SUV39H2: variants seen among roughly 807,000 people sequenced by gnomAD.
SUV39H2 encodes SUV39H2 histone lysine methyltransferase, also known as histone-lysine N-methyltransferase SUV39H2.
SUV39H2 carries 10 observed loss-of-function variants against 47.5 expected under a neutral mutation model. The ratio of observed to expected loss-of-function variants is 0.21; its 90% confidence interval spans 0.13 to 0.36. The LOEUF is 0.36. Among genes scored for constraint, SUV39H2 ranks in the 10% least tolerant of loss-of-function variants. The pLI is 1.00. For synonymous variants in SUV39H2, 159 were observed against 166.8 expected, an observed-to-expected ratio of 0.95 and a Z score of 0.36; for missense variants, 266 against 487.4, an observed-to-expected ratio of 0.55 and a Z score of 4.28.
intron 2 of SUV39H2, among the ~76,000 whole-genome samples, chr10:14,892,888 C>CTG: frequency 6.6e-6 from 1 of 150,690 alleles, no homozygotes; most frequent in African/African-American, 2.4e-5. Flanking sequence ...GGCTTGATCT[C>CTG]AGCTCACTGC....
intron 1 of SUV39H2, among the ~76,000 whole-genome samples, chr10:14,881,272 A>G (rs1214559684): frequency 6.6e-6 from 1 of 152,238 alleles, no homozygotes; most frequent in Non-Finnish European, 1.5e-5. Context: ...GATGTCAGTT[A>G]AACGTAGTGG....
chr10:14,878,884 A>T lies in SUV39H2; in HGVS notation c.-5A>T. On this transcript the variant is annotated 5_prime_UTR_variant, in exon 1 of 6. Transcript: ENST00000354919. ...CCGCGCCAGTTTGAATGAAAGCTCT[A>T]CAAGATGGCGGCGGTCGGGGCCGAG... 1.3e-6 allele frequency: 2 copies of T among 1,488,938 alleles called. No homozygotes were observed. The highest frequency in any genetic ancestry group is 1.8e-6 in the Non-Finnish European group (2 of 1,118,788). 92.2% of individuals were successfully genotyped at this position (1,488,938 alleles called of 1,614,324 possible).
intron 3 of SUV39H2, chr10:14,898,278 T>A (rs2131707739): frequency 6.8e-6 from 1 of 146,540 alleles, no homozygotes; most frequent in Non-Finnish European, 1.5e-5. Context: ...TTGAGTACCT[T>A]GCCCAAGGTC....
intron 2 of SUV39H2, among the ~76,000 whole-genome samples, chr10:14,893,629 T>A (rs1447148759): frequency 2.0e-5 from 3 of 152,226 alleles, no homozygotes; most frequent in Non-Finnish European, 2.9e-5. Context: ...CTTTTCTGGA[T>A]TTTAAAAATA....
intron 2 of SUV39H2, 151 bp from the exon 3 acceptor site, chr10:14,896,695 C>A: frequency 1.8e-6 from 1 of 559,634 alleles, no homozygotes; most frequent in Non-Finnish European, 3.0e-6. Context: ...ATGATTTATA[C>A]TTCATGTGTT....
chr10:14,884,839 C>T (rs1458187279), intron 2 of SUV39H2, among the ~76,000 whole-genome samples: 1 of 152,150 alleles, frequency 6.6e-6, no homozygotes, highest in African/African-American at 2.4e-5. Flanking sequence ...GCCTTTCTGT[C>T]TTTCAGTTTC....
intron 2 of SUV39H2, among the ~76,000 whole-genome samples, chr10:14,887,087 C>T (rs868738404): frequency 2.6e-5 from 4 of 152,106 alleles, no homozygotes; most frequent in South Asian, 2.1e-4. Context: ...AGAATTTTCT[C>T]TCTGCAAAAA....
In SUV39H2 at chr10:14,901,016, A is replaced by G; in HGVS notation, c.997-117A>G. The G allele has an allele frequency of 5.1e-6, 7 of 1,376,424 alleles. No homozygotes were observed. The South Asian group carries it at 1.0e-4, about 20-fold the overall frequency. 85.3% of individuals were successfully genotyped at this position (1,376,424 alleles called of 1,614,324 possible). On this transcript the variant is annotated intron_variant, in intron 4 of 5. Transcript: ENST00000354919. ...CTCAAAGACCTCTAAGCAATAAGCAACTTAATTTCCAGTGGAACTTAAACT... is the reference window on the plus strand; with the variant it reads ...CTCAAAGACCTCTAAGCAATAAGCAGCTTAATTTCCAGTGGAACTTAAACT...
chr10:14,881,675 G>C (rs750267643), intron 2 of SUV39H2, 30 bp downstream of exon 2: 1 of 1,406,354 alleles, frequency 7.1e-7, no homozygotes, highest in Admixed American at 2.8e-5. Flanking sequence ...CCTTACAAGA[G>C]ACCTAATCAG....
intron 3 of SUV39H2, chr10:14,899,313 C>G (rs750852396): frequency 8.8e-6 from 6 of 683,328 alleles, no homozygotes; most frequent in Middle Eastern, 5.1e-4. Flanking sequence ...GAGTGAGACC[C>G]TGTTTAAAAA....
chr10:14,892,225 A>AATT (rs1174004827), intron 2 of SUV39H2, among the ~76,000 whole-genome samples: 1 of 152,226 alleles, frequency 6.6e-6, no homozygotes, highest in African/African-American at 2.4e-5. Flanking sequence ...GGCAATTAAT[A>AATT]GATTTGTAAA....
At position 14,903,849 on chromosome 10, in the gene SUV39H2, T is replaced by C. The variant is rs1478886014; in HGVS notation, c.*1337T>C. 1 of 152,212 alleles carries C rather than the reference T, an allele frequency of 6.6e-6. No homozygotes were observed. Among genetic ancestry groups the C allele is most frequent in the Non-Finnish European group, 1.5e-5 (1 of 68,030 alleles). 9.4% of individuals were successfully genotyped at this position (152,212 alleles called of 1,614,324 possible). A position where few individuals can be genotyped will look rare whatever the true frequency, so the allele number is the denominator to read the frequency against. On this transcript the variant is annotated 3_prime_UTR_variant, in exon 6 of 6. Coordinates refer to ENST00000354919, the MANE Select transcript of SUV39H2 (RefSeq NM_001193424.2). ...TTACCTAAAATAAGCTTGGATAAAATTGAACCAACTTCAAGAATGCAGCAC... is the reference window on the plus strand; with the variant it reads ...TTACCTAAAATAAGCTTGGATAAAACTGAACCAACTTCAAGAATGCAGCAC...
chr10:14,881,086 A>G (rs1213682372), intron 1 of SUV39H2, among the ~76,000 whole-genome samples: 1 of 152,186 alleles, frequency 6.6e-6, no homozygotes, highest in Non-Finnish European at 1.5e-5. Context: ...TATATTTTAG[A>G]TATGTTTTTA....
intron 2 of SUV39H2, among the ~76,000 whole-genome samples, chr10:14,895,889 A>T (rs1312409192): frequency 3.3e-5 from 5 of 151,732 alleles, no homozygotes; most frequent in African/African-American, 9.7e-5. Flanking sequence ...TTTGTATGAT[A>T]CAAAGTCTTC....
intron 4 of SUV39H2, 58 bp from the exon 5 acceptor site, chr10:14,901,075 T>C: frequency 6.3e-7 from 1 of 1,583,600 alleles, no homozygotes; most frequent in East Asian, 2.3e-5. Flanking sequence ...TTATATGGCA[T>C]GTAGAAGGGC....
chr10:14,888,895 G>C (rs562194228), intron 2 of SUV39H2, among the ~76,000 whole-genome samples: 1 of 152,016 alleles, frequency 6.6e-6, no homozygotes, highest in African/African-American at 2.4e-5. Flanking sequence ...ACCTGAGGTC[G>C]GGAGTTCGAA....
chr10:14,878,949 C>G lies in SUV39H2; in HGVS notation c.31+30C>G, dbSNP rs751589822. On this transcript the variant is annotated intron_variant, in intron 1 of 5. Transcript: ENST00000354919. ...GGCTGGAGCGCGGCCCCCTCGCCTT[C>G]CCTGTTCCCAGGCAAGCTCCCAAGG... 8 of 1,442,148 alleles carry G rather than the reference C, an allele frequency of 5.5e-6. No homozygotes were observed. The Admixed American group carries it at 2.0e-4, about 36-fold the overall frequency. The allele number at this position is 1,442,148 out of a possible 1,614,324, so 89.3% of individuals were successfully genotyped here.
At chr10:14,881,845 A>G (rs1362661229) in intron 2 of SUV39H2, among the ~76,000 whole-genome samples, 200 bp downstream of exon 2, 1 of 152,248 alleles carries the variant, frequency 6.6e-6, no homozygotes, top group Non-Finnish European at 1.5e-5. Flanking sequence ...CTTGCATTAG[A>G]ATATTTTCAG....
chr10:14,882,228 A>G (rs974154769), intron 2 of SUV39H2, among the ~76,000 whole-genome samples: 1 of 152,214 alleles, frequency 6.6e-6, no homozygotes, highest in East Asian at 1.9e-4. Flanking sequence ...TTTTTGATCT[A>G]AACTGTATAT....
Sources: allele counts gnomAD v4.1 joint callset (sites outside exome capture counted in the v4.1 genomes callset), GRCh38; gene constraint gnomAD v4.1.1; transcripts MANE v1.5; gene names NCBI Gene and HGNC (gene_info 2026-07-23, HGNC 2026-07-21).